Variants in ROBO2 observed in about 807,000 individuals in gnomAD.
ROBO2 encodes the protein roundabout guidance receptor 2.
Under a neutral mutation model 160.8 loss-of-function variants are expected in ROBO2, and 53 were observed. That is an observed-to-expected ratio of 0.33 (90% CI 0.26 to 0.41). The LOEUF (loss-of-function observed/expected upper bound fraction) is 0.41, where lower values mean the gene tolerates loss of function less well. Among genes scored for constraint, ROBO2 ranks in the 10% least tolerant of loss-of-function variants. The probability of loss-of-function intolerance (pLI) is 1.00; values close to 1 mark genes in which losing one functional copy is unlikely to be tolerated. For synonymous variants in ROBO2, 664 were observed against 611.7 expected (o/e 1.09, Z -1.26); for missense variants, 1,577 against 1,722.4 (o/e 0.92, Z 1.49).
At chr3:76,169,129 T>C (rs2072942259) in intron 2 of ROBO2, among the ~76,000 whole-genome samples, 1 of 152,164 alleles carries the variant, frequency 6.6e-6, no homozygotes, top group African/African-American at 2.4e-5. Context: ...AAATTTTCTT[T>C]CTAGAAGATA....
chr3:76,772,385 A>T (rs908597947), intron 2 of ROBO2, among the ~76,000 whole-genome samples: 113 of 149,334 alleles, frequency 7.6e-4, no homozygotes, highest in African/African-American at 2.6e-3. Context: ...TATGTATATA[A>T]ATATATATGC....
intron 2 of ROBO2, among the ~76,000 whole-genome samples, chr3:76,319,032 C>A (rs982199563): frequency 6.6e-6 from 1 of 151,918 alleles, no homozygotes; most frequent in African/African-American, 2.4e-5. Flanking sequence ...GATAATTCTT[C>A]TAAAAAGGAA....
At chr3:76,242,406 T>A (rs964003912) in intron 2 of ROBO2, among the ~76,000 whole-genome samples, 1 of 152,178 alleles carries the variant, frequency 6.6e-6, no homozygotes, top group African/African-American at 2.4e-5. Context: ...CTTCTTTATG[T>A]CAAAGTAGGA....
At chr3:76,355,048 G>T (rs912452825) in intron 2 of ROBO2, among the ~76,000 whole-genome samples, 2 of 151,132 alleles carry the variant, frequency 1.3e-5, no homozygotes, top group African/African-American at 4.9e-5. Flanking sequence ...ATGTGTATGT[G>T]TGTGTGTGTG....
At chr3:76,630,155 T>C (rs182325946) in intron 2 of ROBO2, among the ~76,000 whole-genome samples, 182 of 152,340 alleles carry the variant, frequency 1.2e-3, no homozygotes, top group African/African-American at 4.1e-3. Context: ...GGCCATAGTC[T>C]GTGTAGAGTT....
chr3:77,038,650 A>C (rs982722440), upstream of ROBO2, among the ~76,000 whole-genome samples: 1 of 151,932 alleles, frequency 6.6e-6, no homozygotes, highest in Non-Finnish European at 1.5e-5. Flanking sequence ...CCGCCTTCTC[A>C]TCATCTGAAC....
At chr3:77,203,644 C>T (rs774115813) in intron 2 of ROBO2, among the ~76,000 whole-genome samples, 19 of 152,220 alleles carry the variant, frequency 1.2e-4, no homozygotes, top group East Asian at 3.9e-4. Context: ...TTCATTTTTT[C>T]GTCCCTTATA....
intron 2 of ROBO2, among the ~76,000 whole-genome samples, chr3:77,004,065 T>C (rs982926863): frequency 5.6e-4 from 86 of 152,268 alleles, no homozygotes; most frequent in African/African-American, 1.9e-3. Context: ...AAATCATCAG[T>C]TTTTAAAAAC....
At chr3:76,415,052 T>A (rs2075696813) in intron 2 of ROBO2, among the ~76,000 whole-genome samples, 1 of 152,196 alleles carries the variant, frequency 6.6e-6, no homozygotes, top group Admixed American at 6.5e-5. Flanking sequence ...AGACCTCTTA[T>A]TTTTCTCTCC....
intron 2 of ROBO2, among the ~76,000 whole-genome samples, chr3:76,772,928 T>C (rs752872552): frequency 1.3e-5 from 2 of 151,202 alleles, no homozygotes; most frequent in Non-Finnish European, 3.0e-5. Flanking sequence ...TGTTTCATCA[T>C]AGTGCGTTAA....
intron 2 of ROBO2, among the ~76,000 whole-genome samples, chr3:75,944,524 A>G (rs1463540453): frequency 2.6e-5 from 4 of 152,138 alleles, no homozygotes; most frequent in Non-Finnish European, 5.9e-5. Flanking sequence ...CTTAAAAAAA[A>G]ACCTGGCACC....
chr3:77,595,259 T>C, intron 18 of ROBO2, 75 bp downstream of exon 19: 1 of 1,119,590 alleles, frequency 8.9e-7, no homozygotes, highest in Admixed American at 1.9e-5. Context: ...TAAGAGCCTA[T>C]TATTGTAATA....
intron 2 of ROBO2, among the ~76,000 whole-genome samples, chr3:76,413,258 C>G (rs958342478): frequency 2.0e-5 from 3 of 152,206 alleles, no homozygotes; most frequent in African/African-American, 7.2e-5. Flanking sequence ...GTGAAGGTCT[C>G]TGACATGGCT....
chr3:77,572,890 G>A (rs923296107), intron 13 of ROBO2, among the ~76,000 whole-genome samples: 9 of 151,888 alleles, frequency 5.9e-5, no homozygotes, highest in African/African-American at 1.4e-4. Context: ...ATAAACTGCC[G>A]ACAAATTTCA....
intron 2 of ROBO2, among the ~76,000 whole-genome samples, chr3:77,434,313 C>A (rs2079076556): frequency 6.6e-6 from 1 of 152,012 alleles, no homozygotes. Context: ...TAGGTGAGGA[C>A]CCCCAAATTT....
intron 2 of ROBO2, among the ~76,000 whole-genome samples, chr3:76,892,598 A>C (rs2074433343): frequency 6.6e-6 from 1 of 152,074 alleles, no homozygotes; most frequent in South Asian, 2.1e-4. Context: ...CTCAAATGTA[A>C]GCTCTATATG....
chr3:77,293,389 C>A (rs1192712175), intron 2 of ROBO2, among the ~76,000 whole-genome samples: 1 of 125,422 alleles, frequency 8.0e-6, no homozygotes, highest in African/African-American at 2.7e-5. Flanking sequence ...GCTAGATCAC[C>A]CCAGACATAA....
At position 76,910,263 on chromosome 3, in the gene ROBO2, C is replaced by A. The variant is rs556842861; in HGVS notation, c.110-187751C>A. ...TCATTAGCTACTACAAAAACTTTTA[C>A]TGAATATAAAAAAAACTAATACATC... On this transcript the variant is annotated intron_variant, in intron 2 of 26. Transcript: ENST00000487694. 1.5e-4 allele frequency among the ~76,000 whole-genome samples: 23 copies of A among 152,204 alleles called. 1 individual carries two copies. The East Asian group carries it at 4.5e-3, about 29-fold the overall frequency.
Position 77,483,897 on chromosome 3 carries a change from G to A in ROBO2, c.667+2678G>A, listed in dbSNP as rs541284746. On this transcript the variant is annotated intron_variant, in intron 4 of 25. Transcript: ENST00000461745. ...CCAGTATAATAGCTGTCTACTTTCC[G>A]AGACATATTGCTAGGAAAAAGAATT... Among the ~76,000 whole-genome samples, 11 of 151,420 alleles carry A rather than the reference G, an allele frequency of 7.3e-5. No individual in the cohort carries two copies. In the South Asian group the frequency reaches 2.1e-3, roughly 29 times the overall value.
Sources: gnomAD v4.1 joint callset for allele counts (sites outside exome capture counted in the v4.1 genomes callset) on GRCh38, gnomAD v4.1.1 for gene constraint, MANE v1.5 for transcripts, NCBI Gene and HGNC (gene_info 2026-07-23, HGNC 2026-07-21) for gene names.